Variants in PRIM2 observed in about 807,000 individuals in gnomAD.
The protein encoded by PRIM2 is DNA primase subunit 2.
PRIM2 carries 39 observed loss-of-function variants against 67.3 expected under a neutral mutation model. That is an observed-to-expected ratio of 0.58 (90% CI 0.45 to 0.76). The LOEUF (loss-of-function observed/expected upper bound fraction) is 0.76, where lower values mean the gene tolerates loss of function less well. Among genes scored for constraint, PRIM2 ranks in the 30% least tolerant of loss-of-function variants. The probability of loss-of-function intolerance (pLI) is 0.00; values close to 1 mark genes in which losing one functional copy is unlikely to be tolerated. For synonymous variants in PRIM2, 143 were observed against 198.7 expected, an observed-to-expected ratio of 0.72 and a Z score of 2.36; for missense variants, 398 against 598.7, an observed-to-expected ratio of 0.66 and a Z score of 3.50.
At chr6:57,295,402 GC>G in the PRIM2 span, among the ~76,000 whole-genome samples, 1 of 152,108 alleles carries the variant, frequency 6.6e-6, no homozygotes, top group African/African-American at 2.4e-5. Context: ...TTAACTAGTA[GC>G]AAACCACTGG....
In PRIM2 at chr6:57,532,470, A is replaced by C. The variant is rs1341889379; in HGVS notation, c.821A>C (p.Asp274Ala). 3.5e-6 allele frequency: 5 copies of C among 1,449,076 alleles called. No homozygotes were observed. The highest frequency in any genetic ancestry group is 3.8e-6 in the Non-Finnish European group (4 of 1,064,696). 89.8% of individuals were successfully genotyped at this position (1,449,076 alleles called of 1,614,324 possible). Residue 274 changes from aspartate (D) to alanine (A), a missense_variant, in exon 9 of 14, where the codon GAT becomes GCT. Transcript: ENST00000615550. The stretch of plus-strand genomic sequence containing the variant: ...GGAAATGTTGGGAAGATTTCTTTAG[A>C]TCAGATTGATTTGGTAAGTAGAACA... ...TQGNVGKISLDQIDLLSTKSF... is the reference protein window; with the variant it reads ...TQGNVGKISLAQIDLLSTKSF...
At position 57,346,131 on chromosome 6, in the gene PRIM2, G is replaced by C. The variant is rs564696513; in HGVS notation, c.459+20086G>C. 1.4e-4 allele frequency among the ~76,000 whole-genome samples: 22 copies of C among 152,136 alleles called. 1 individual carries two copies. The South Asian group carries it at 4.6e-3, about 32-fold the overall frequency. On this transcript the variant is annotated intron_variant, in intron 5 of 13. Coordinates refer to ENST00000615550, the MANE Select transcript of PRIM2 (RefSeq NM_000947.5). Reference sequence around the variant, plus strand: ...CTTTTGTCTTGTCATAGCCAGTCTTGCTGACCCTTTGTCTCATCCTGTGCC... The same window carrying C: ...CTTTTGTCTTGTCATAGCCAGTCTTCCTGACCCTTTGTCTCATCCTGTGCC...
chr6:57,228,923 AG>A, the PRIM2 span, among the ~76,000 whole-genome samples: 2 of 152,220 alleles, frequency 1.3e-5, no homozygotes, highest in Non-Finnish European at 2.9e-5. Flanking sequence ...AGTATTTGAA[AG>A]TTACTAGTTA....
intron 7 of PRIM2, among the ~76,000 whole-genome samples, chr6:57,418,646 C>T (rs1196324253): frequency 3.3e-5 from 5 of 151,666 alleles, no homozygotes; most frequent in South Asian, 2.1e-4. Context: ...GTGATCCACC[C>T]GCCTCGGCCT....
intron 8 of PRIM2, among the ~76,000 whole-genome samples, 166 bp from the exon 9 acceptor site, chr6:57,532,240 CTTAAA>C (rs1417489586): frequency 6.6e-5 from 10 of 152,156 alleles, no homozygotes; most frequent in South Asian, 2.1e-4. Context: ...GGGTAAGTTA[CTTAAA>C]TTAATTTCAT....
At chr6:57,513,578 C>T (rs1774413588) in intron 8 of PRIM2, among the ~76,000 whole-genome samples, 1 of 152,044 alleles carries the variant, frequency 6.6e-6, no homozygotes, top group African/African-American at 2.4e-5. Context: ...TGGGGGACAG[C>T]ATATTATAAG....
At chr6:57,409,006 T>A (rs1280760800) in intron 7 of PRIM2, among the ~76,000 whole-genome samples, 1 of 152,220 alleles carries the variant, frequency 6.6e-6, no homozygotes, top group African/African-American at 2.4e-5. Context: ...TTTATTTTTT[T>A]AATTTAAAAC....
chr6:57,227,641 C>CAAAAAAAAAAAAAAAAAAA, the PRIM2 span, among the ~76,000 whole-genome samples: 1 of 84,078 alleles, frequency 1.2e-5, no homozygotes, highest in Non-Finnish European at 2.3e-5. Flanking sequence ...GAGACCATCT[C>CAAAAAAAAAAAAAAAAAAA]AAAAAAAAAA....
intron 5 of PRIM2, among the ~76,000 whole-genome samples, chr6:57,336,678 C>T (rs1343918898): frequency 1.3e-5 from 2 of 151,920 alleles, no homozygotes; most frequent in Non-Finnish European, 2.9e-5. Context: ...TTGTCAACAC[C>T]AGGCCTGCCC....
At chr6:57,385,365 TCA>T (rs1770108618) in intron 7 of PRIM2, among the ~76,000 whole-genome samples, 1 of 152,190 alleles carries the variant, frequency 6.6e-6, no homozygotes, top group Non-Finnish European at 1.5e-5. Flanking sequence ...ATTTGAAATA[TCA>T]CAGACTTACA....
intron 10 of PRIM2, among the ~76,000 whole-genome samples, chr6:57,551,569 T>G (rs1446598060): frequency 6.6e-6 from 1 of 152,162 alleles, no homozygotes; most frequent in African/African-American, 2.4e-5. Flanking sequence ...GGGGACTGTT[T>G]AAAGAGTGTA....
At position 57,422,574 on chromosome 6, in the gene PRIM2, C is replaced by T. The variant is rs191463427; in HGVS notation, c.693+40406C>T. On this transcript the variant is annotated intron_variant, in intron 7 of 13. Coordinates refer to ENST00000615550, the MANE Select transcript of PRIM2 (RefSeq NM_000947.5). ...ATCACAGAACTTTAATGTAAAGATACATCAATGAAATTTAGAATTTTACTT... is the reference window on the plus strand; with the variant it reads ...ATCACAGAACTTTAATGTAAAGATATATCAATGAAATTTAGAATTTTACTT... 4.2e-4 allele frequency among the ~76,000 whole-genome samples: 64 copies of T among 152,162 alleles called. 1 individual carries two copies. The highest frequency in any genetic ancestry group is 1.1e-3 in the African/African-American group (46 of 41,500).
intron 5 of PRIM2, among the ~76,000 whole-genome samples, chr6:57,363,669 T>C (rs1769264384): frequency 6.6e-6 from 1 of 150,858 alleles, no homozygotes; most frequent in Admixed American, 6.6e-5. Flanking sequence ...CTGCTCTTAG[T>C]CTCCTTTTAA....
At chr6:57,381,519 C>T (rs576521196) in intron 6 of PRIM2, among the ~76,000 whole-genome samples, 11 of 140,088 alleles carry the variant, frequency 7.9e-5, no homozygotes, top group African/African-American at 3.6e-4. Context: ...AAACTGAATG[C>T]TTATTATTTC....
chr6:57,476,142 C>A (rs1490076505), intron 7 of PRIM2, among the ~76,000 whole-genome samples: 1 of 152,024 alleles, frequency 6.6e-6, no homozygotes, highest in Non-Finnish European at 1.5e-5. Context: ...CCCTCATGAA[C>A]TTAAATATTA....
the PRIM2 span, among the ~76,000 whole-genome samples, chr6:57,256,012 CACACACACACAT>C: frequency 0.024 from 2,871 of 120,590 alleles, 106 homozygotes; most frequent in African/African-American, 0.097. Context: ...TAGACACGCA[CACACACACACAT>C]ACACACACAC....
At chr6:57,595,437 A>G (rs1435608873) in intron 10 of PRIM2, among the ~76,000 whole-genome samples, 2 of 152,038 alleles carry the variant, frequency 1.3e-5, no homozygotes, top group East Asian at 1.9e-4. Context: ...CCTATATTCA[A>G]TTCACTTCTG....
At chr6:57,229,449 C>G in the PRIM2 span, among the ~76,000 whole-genome samples, 1 of 151,334 alleles carries the variant, frequency 6.6e-6, no homozygotes, top group South Asian at 2.1e-4. Flanking sequence ...ATTCATTAGG[C>G]TTTTTAATCT....
At chr6:57,327,690 A>C (rs1320213617) in intron 5 of PRIM2, among the ~76,000 whole-genome samples, 3 of 152,206 alleles carry the variant, frequency 2.0e-5, no homozygotes, top group Non-Finnish European at 1.5e-5. Flanking sequence ...ATTACAGTTA[A>C]TTTATCCATT....
Sources: gnomAD v4.1 joint callset for allele counts (sites outside exome capture counted in the v4.1 genomes callset) on GRCh38, gnomAD v4.1.1 for gene constraint, MANE v1.5 for transcripts, NCBI Gene and HGNC (gene_info 2026-07-23, HGNC 2026-07-21) for gene names.